The following PPP2R3B variants were observed in gnomAD, a reference collection of about 807,000 sequenced individuals.
The protein encoded by PPP2R3B is serine/threonine-protein phosphatase 2A regulatory subunit B'' subunit beta.
PPP2R3B carries 68 observed loss-of-function variants against 72.9 expected under a neutral mutation model. The ratio of observed to expected loss-of-function variants is 0.93; its 90% CI spans 0.77 to 1.14. The LOEUF (loss-of-function observed/expected upper bound fraction) is 1.14. Among genes scored for constraint, PPP2R3B ranks in the 50% most tolerant of loss-of-function variants. The probability of loss-of-function intolerance (pLI) is 0.00; values close to 1 mark genes in which losing one functional copy is unlikely to be tolerated. For missense variants in PPP2R3B, 1,018 were observed against 842.0 expected (o/e 1.21, Z -2.59); for synonymous variants, 466 against 375.8 (o/e 1.24, Z -2.78).
chrX:346,000 C>G (rs1387988799), intron 6 of PPP2R3B, among the ~76,000 whole-genome samples, 174 bp downstream of exon 6: 1 of 136,354 alleles, frequency 7.3e-6, no homozygotes, highest in Non-Finnish European at 1.6e-5. Flanking sequence ...CGGCGGGGTT[C>G]CAGTGCTCAC....
chrX:373,573 G>A (rs1195989120), intron 1 of PPP2R3B: 1 of 286,808 alleles, frequency 3.5e-6, no homozygotes, highest in Non-Finnish European at 7.4e-6. Context: ...CGAGAGGGCA[G>A]CACGAAGTCG....
rs778759946 is a variant in PPP2R3B, at chrX:345,445, G to C, written c.1036+71C>G. ...GAGTGCGGAAGGAGAGGCAGCTGCA[G>C]ACCCGCAGGCCCTGAGAGAAGGGTG... On this transcript the variant is annotated intron_variant, in intron 7 of 12. Transcript: ENST00000390665. 5.0e-6 allele frequency: 8 copies of C among 1,593,258 alleles called. No homozygotes were observed. In the South Asian group the frequency reaches 7.8e-5, roughly 16 times the overall value.
rs747181658 is a variant in PPP2R3B at position 345,630 on chromosome X, T to G, written c.922A>C (p.Thr308Pro). 6.2e-7 allele frequency: 1 copy of G among 1,612,996 alleles called. No individual in the cohort carries two copies. Among genetic ancestry groups the G allele is most frequent in the Non-Finnish European group, 8.5e-7 (1 of 1,179,544 alleles). ...AAATGCTCGTACGAGAAGAATTCGGTCAGCTGGTTGATGTCCGCCTCCTCC... is the reference window on the plus strand; with the variant it reads ...AAATGCTCGTACGAGAAGAATTCGGGCAGCTGGTTGATGTCCGCCTCCTCC... ...LEEEADINQLTEFFSYEHFYV... is the reference protein window; with the variant it reads ...LEEEADINQLPEFFSYEHFYV... Residue 308 changes from threonine (T) to proline (P), a missense_variant, in exon 7 of 13, where the codon ACC (threonine) becomes CCC (proline). By Grantham distance (38) the Thr-to-Pro change is conservative (BLOSUM62 -1). Coordinates refer to ENST00000390665, the MANE Select transcript of PPP2R3B (RefSeq NM_013239.5).
intron 12 of PPP2R3B, chrX:334,720 G>T: frequency 3.3e-6 from 2 of 602,096 alleles, no homozygotes; most frequent in Non-Finnish European, 5.2e-6. Context: ...AGGGGCCTGC[G>T]GTGCAGGTGA....
intron 2 of PPP2R3B, among the ~76,000 whole-genome samples, chrX:358,545 C>T (rs62581499): frequency 0.33 from 49,886 of 152,116 alleles, 8,477 homozygotes; most frequent in Non-Finnish European, 0.37. Context: ...CTGGGTCACA[C>T]CCAGGTCACC....
chrX:355,071 G>C (rs73613886), intron 2 of PPP2R3B, among the ~76,000 whole-genome samples: 3,631 of 152,294 alleles, frequency 0.024, 161 homozygotes, highest in African/African-American at 0.083. Context: ...GAGAAAGGCT[G>C]AACTGTGCTC....
chrX:369,814 G>C (rs985881019), intron 1 of PPP2R3B, among the ~76,000 whole-genome samples: 11 of 152,218 alleles, frequency 7.2e-5, no homozygotes, highest in African/African-American at 2.2e-4. Context: ...CGCTCAGTAC[G>C]GGCTGCAACG....
intron 1 of PPP2R3B, among the ~76,000 whole-genome samples, chrX:383,709 G>A (rs1422001483): frequency 3.3e-5 from 5 of 150,986 alleles, no homozygotes; most frequent in African/African-American, 7.3e-5. Flanking sequence ...GTGGTGGCGG[G>A]CGCCTGTAGT....
chrX:333,988 C>G lies in PPP2R3B; in HGVS notation c.*379G>C, dbSNP rs2070813557. ...AACGGTTTTGTACGTTTACACAAAA[C>G]ATTCACACAGCCTGTGGTGGAGGCT... On this transcript the variant is annotated 3_prime_UTR_variant, in exon 13 of 13. Transcript: ENST00000390665. 1 of 199,106 alleles carries G rather than the reference C, an allele frequency of 5.0e-6. No homozygotes were observed. The highest frequency in any genetic ancestry group is 2.3e-5 in the African/African-American group (1 of 43,140). The allele number at this position is 199,106 out of a possible 1,614,324, so 12.3% of individuals were successfully genotyped here. A position where few individuals can be genotyped will look rare whatever the true frequency, so the allele number is the denominator to read the frequency against.
rs748560164 is a variant in PPP2R3B at position 334,309 on chromosome X, G to A, written c.*58C>T. 3.1e-4 allele frequency: 444 copies of A among 1,420,262 alleles called. 1 individual carries two copies. Among genetic ancestry groups the A allele is most frequent in the Admixed American group, 2.0e-3 (72 of 35,330 alleles). The allele number at this position is 1,420,262 out of a possible 1,614,324, so 88.0% of individuals were successfully genotyped here. ...CCACAACAGTTTTTACACGAGCCGC[G>A]GTGGCCCGGTGGTGGCACGTGGGGA... On this transcript the variant is annotated 3_prime_UTR_variant, in exon 13 of 13. Coordinates refer to ENST00000390665, the MANE Select transcript of PPP2R3B (RefSeq NM_013239.5).
intron 10 of PPP2R3B, among the ~76,000 whole-genome samples, chrX:339,288 G>A (rs1459398806): frequency 1.3e-5 from 2 of 148,798 alleles, no homozygotes; most frequent in African/African-American, 5.0e-5. Context: ...GGGCAGGGCT[G>A]CAGGGCGGTG....
At chrX:386,249 T>G in intron 1 of PPP2R3B, 119 bp downstream of exon 1, 1 of 778,152 alleles carries the variant, frequency 1.3e-6, no homozygotes, top group African/African-American at 1.8e-5. Context: ...GGGAACAGAC[T>G]CAATATGAAA....
At chrX:335,598 A>C (rs2070867613) in intron 12 of PPP2R3B, 1 of 152,324 alleles carries the variant, frequency 6.6e-6, no homozygotes, top group Non-Finnish European at 1.5e-5. Flanking sequence ...GCTGCACCAA[A>C]ATCAGAAGGC....
At position 386,470 on chromosome X, in the gene PPP2R3B, C is replaced by A. The variant is rs747401979; in HGVS notation, c.222G>T (p.Pro74=). The A allele has an allele frequency of 5.4e-6, 7 of 1,288,868 alleles. No individual in the cohort carries two copies. The East Asian group carries it at 2.1e-4, about 39-fold the overall frequency. The allele number at this position is 1,288,868 out of a possible 1,614,324, so 79.8% of individuals were successfully genotyped here. The change falls in exon 1 of 13, where the codon CCG becomes CCT. Residue 74 remains proline, a synonymous_variant. Transcript: ENST00000390665. ...AAPRPSGLEP[P]GTPGPGPALP... ...GCGCAGGGCCCGGCCCGGGGGTTCC[C>A]GGGGGTTCGAGCCCGCTGGGCCGGG...
At chrX:368,118 G>C (rs1202835356) in intron 1 of PPP2R3B, among the ~76,000 whole-genome samples, 1 of 151,682 alleles carries the variant, frequency 6.6e-6, no homozygotes, top group African/African-American at 2.4e-5. Flanking sequence ...CACAGACACA[G>C]GGAAGGCCGG....
At chrX:347,984 A>C (rs937501719) in intron 2 of PPP2R3B, 56 of 414,548 alleles carry the variant, frequency 1.4e-4, no homozygotes, top group Middle Eastern at 1.2e-3. Flanking sequence ...CTGGAAATCA[A>C]GCGGCACGTA....
At chrX:386,268 G>A (rs2072246737) in intron 1 of PPP2R3B, 100 bp downstream of exon 1, 1 of 1,016,508 alleles carries the variant, frequency 9.8e-7, no homozygotes, top group Non-Finnish European at 1.3e-6. Context: ...AACCGTTTTG[G>A]GGTCTGACGC....
intron 2 of PPP2R3B, among the ~76,000 whole-genome samples, chrX:348,126 T>C (rs2071261476): frequency 6.6e-6 from 1 of 152,088 alleles, no homozygotes; most frequent in Admixed American, 6.6e-5. Context: ...GTTCACAGCC[T>C]TAAATACACG....
intron 2 of PPP2R3B, among the ~76,000 whole-genome samples, chrX:357,934 C>T (rs907397160): frequency 2.0e-5 from 3 of 152,186 alleles, no homozygotes; most frequent in Non-Finnish European, 4.4e-5. Flanking sequence ...AAGGCACACA[C>T]GGACCTCGCT....
Sources: gnomAD v4.1 joint callset for allele counts (sites outside exome capture counted in the v4.1 genomes callset) on GRCh38, gnomAD v4.1.1 for gene constraint, MANE v1.5 for transcripts, NCBI Gene and HGNC (gene_info 2026-07-23, HGNC 2026-07-21) for gene names.